The following EML6 variants were observed in gnomAD, a reference collection of about 807,000 sequenced individuals.
EML6 encodes the protein EMAP like 6.
A neutral mutation model predicts 240.1 loss-of-function variants in EML6; 154 were observed. The observed-to-expected ratio is 0.64, with a 90% CI of 0.56 to 0.73. The LOEUF is 0.73. Among genes scored for constraint, EML6 ranks in the 30% least tolerant of loss-of-function variants. EML6 has a pLI of 0.00. For synonymous variants in EML6, 1,148 were observed against 899.0 expected, an observed-to-expected ratio of 1.28 and a Z score of -4.95; for missense variants, 2,964 against 2,474.6, an observed-to-expected ratio of 1.20 and a Z score of -4.20.
chr2:54,840,054 T>C (rs375681739), intron 7 of EML6, among the ~76,000 whole-genome samples: 6 of 152,258 alleles, frequency 3.9e-5, no homozygotes, highest in African/African-American at 1.4e-4. Context: ...TTTGCTGATG[T>C]TGGAAAATCA....
chr2:54,865,515 G>A (rs1289933696), intron 13 of EML6, among the ~76,000 whole-genome samples: 2 of 152,024 alleles, frequency 1.3e-5, no homozygotes, highest in South Asian at 2.1e-4. Context: ...TCATGCCTAC[G>A]ACTTAAACAG....
At chr2:54,810,606 A>C (rs576484082) in intron 2 of EML6, among the ~76,000 whole-genome samples, 1 of 152,332 alleles carries the variant, frequency 6.6e-6, no homozygotes, top group South Asian at 2.1e-4. Flanking sequence ...CTGGCCTTCC[A>C]GGGGAAATAT....
chr2:54,884,456 C>T (rs147401136), intron 17 of EML6, among the ~76,000 whole-genome samples: 50 of 152,300 alleles, frequency 3.3e-4, no homozygotes, highest in African/African-American at 1.2e-3. Flanking sequence ...ATCCCTCTCC[C>T]TTCCCTGAAG....
chr2:54,935,733 A>G (rs555457610), intron 28 of EML6, among the ~76,000 whole-genome samples: 9 of 152,194 alleles, frequency 5.9e-5, no homozygotes, highest in Admixed American at 5.2e-4. Context: ...GTTTAAGGCC[A>G]GGCGTAGTAG....
chr2:54,895,085 A>C (rs1672692064), intron 20 of EML6, 59 bp downstream of exon 20: 4 of 1,406,988 alleles, frequency 2.8e-6, no homozygotes, highest in Middle Eastern at 1.8e-4. Context: ...AGAAGATTGT[A>C]CTAAAGTTTT....
chr2:54,762,742 C>T (rs924033995), intron 2 of EML6, among the ~76,000 whole-genome samples: 3 of 152,134 alleles, frequency 2.0e-5, no homozygotes, highest in Non-Finnish European at 4.4e-5. Flanking sequence ...CATCTTATTG[C>T]TGTTTGGCAT....
At chr2:54,807,091 T>C (rs1435133186) in intron 2 of EML6, among the ~76,000 whole-genome samples, 1 of 152,186 alleles carries the variant, frequency 6.6e-6, no homozygotes, top group African/African-American at 2.4e-5. Context: ...TCAATTCTGA[T>C]AGAATGCTTT....
chr2:54,965,169 C>T (rs1676692718), intron 38 of EML6, among the ~76,000 whole-genome samples: 2 of 152,168 alleles, frequency 1.3e-5, no homozygotes, highest in South Asian at 2.1e-4. Flanking sequence ...AAAGCTCATC[C>T]CTGGGTCCCA....
chr2:54,733,503 C>G (rs954335634), intron 2 of EML6, among the ~76,000 whole-genome samples: 5 of 152,196 alleles, frequency 3.3e-5, no homozygotes, highest in Admixed American at 1.3e-4. Flanking sequence ...AGGCACTGCA[C>G]AGTATCACGC....
chr2:54,966,285 T>G (rs940107366), intron 38 of EML6, among the ~76,000 whole-genome samples: 30 of 152,194 alleles, frequency 2.0e-4, no homozygotes, highest in African/African-American at 7.2e-4. Flanking sequence ...GGTGTGTAGG[T>G]GTTAGCCAAC....
At chr2:54,859,951 A>G (rs1274731757) in intron 12 of EML6, among the ~76,000 whole-genome samples, 6 of 152,226 alleles carry the variant, frequency 3.9e-5, no homozygotes, top group Non-Finnish European at 8.8e-5. Flanking sequence ...CTGCAATGTC[A>G]GAATAGGAAG....
intron 2 of EML6, among the ~76,000 whole-genome samples, chr2:54,756,041 C>A (rs1475649341): frequency 1.3e-5 from 2 of 151,850 alleles, no homozygotes; most frequent in African/African-American, 2.4e-5. Context: ...GGATCTTGGC[C>A]CTCTTCCTTA....
At chr2:54,813,616 A>G (rs1667957386) in intron 3 of EML6, among the ~76,000 whole-genome samples, 1 of 152,192 alleles carries the variant, frequency 6.6e-6, no homozygotes, top group Admixed American at 6.5e-5. Flanking sequence ...TCTGGTTAAA[A>G]AGCATCCATA....
chr2:54,949,074 G>T (rs1573201662), intron 29 of EML6, 114 bp downstream of exon 29: 1 of 798,978 alleles, frequency 1.3e-6, no homozygotes, highest in East Asian at 2.7e-5. Context: ...AGGTCCCTTG[G>T]GCTCTCTTTT....
At chr2:54,922,926 G>C (rs1012002553) in intron 26 of EML6, among the ~76,000 whole-genome samples, 8 of 146,326 alleles carry the variant, frequency 5.5e-5, no homozygotes, top group Non-Finnish European at 1.2e-4. Flanking sequence ...TGGTCAAAGG[G>C]TATAAACTTT....
intron 2 of EML6, among the ~76,000 whole-genome samples, chr2:54,729,798 T>A (rs566206424): frequency 1.8e-4 from 28 of 152,362 alleles, no homozygotes; most frequent in Admixed American, 1.4e-3. Flanking sequence ...TCAAGAATAT[T>A]TGAAGTAGAT....
chr2:54,827,704 G>C lies in EML6; in HGVS notation c.664G>C (p.Val222Leu), dbSNP rs767027774. ...TGGTGCTTTAAATGGTGACATCTATGTCTGGAAAGGGCTCAATTTAGTCCG... is the reference window on the plus strand; with the variant it reads ...TGGTGCTTTAAATGGTGACATCTATCTCTGGAAAGGGCTCAATTTAGTCCG... ...YSGALNGDIY[V>L]WKGLNLVRTI... The change falls in exon 6 of 42, where the codon GTC becomes CTC. Residue 222 changes from valine to leucine, a missense_variant. By Grantham distance (32) the Val-to-Leu change is conservative (BLOSUM62 1). Transcript: ENST00000356458. 1.0e-5 allele frequency: 16 copies of C among 1,551,738 alleles called. No homozygotes were observed. In the South Asian group the frequency reaches 1.9e-4, roughly 18 times the overall value.
chr2:54,958,995 C>A, intron 33 of EML6, 109 bp from the exon 34 acceptor site: 2 of 1,052,282 alleles, frequency 1.9e-6, no homozygotes, highest in Non-Finnish European at 2.7e-6. Context: ...GATCAAACTG[C>A]CTAGGCTGTC....
At chr2:54,735,867 T>C (rs1016654327) in intron 2 of EML6, among the ~76,000 whole-genome samples, 5 of 152,216 alleles carry the variant, frequency 3.3e-5, no homozygotes, top group African/African-American at 1.2e-4. Flanking sequence ...ACTAAATTTG[T>C]CTTTCCTGGC....
Sources: gnomAD v4.1 joint callset for allele counts (sites outside exome capture counted in the v4.1 genomes callset) on GRCh38, gnomAD v4.1.1 for gene constraint, MANE v1.5 for transcripts, NCBI Gene and HGNC (gene_info 2026-07-23, HGNC 2026-07-21) for gene names.